The following TXNDC5 variants were observed in gnomAD, a reference collection of about 807,000 sequenced individuals.
TXNDC5 encodes thioredoxin domain containing 5.
In TXNDC5, 44 loss-of-function variants were observed where a neutral mutation model predicts 52.6. The ratio of observed to expected loss-of-function variants is 0.84; its 90% CI spans 0.66 to 1.08. TXNDC5 has a LOEUF of 1.08. Ranked by LOEUF, TXNDC5 falls within the 50% of genes least tolerant of loss-of-function variation. The pLI, the probability that TXNDC5 is intolerant of heterozygous loss-of-function variation, is 0.00. For missense variants in TXNDC5, 600 were observed against 565.5 expected (o/e 1.06, Z -0.62); for synonymous variants, 241 against 234.4 (o/e 1.03, Z -0.26).
At chr6:7,896,943 ATCT>A (rs1760389057) in intron 3 of TXNDC5, among the ~76,000 whole-genome samples, 1 of 152,116 alleles carries the variant, frequency 6.6e-6, no homozygotes, top group African/African-American at 2.4e-5. Flanking sequence ...CATAAAAATG[ATCT>A]TTTTTTTTAT....
chr6:7,882,909 T>G lies in TXNDC5; in HGVS notation c.*235A>C, dbSNP rs927779758. 1 of 469,098 alleles carries G rather than the reference T, an allele frequency of 2.1e-6. No individual in the cohort carries two copies. The highest frequency in any genetic ancestry group is 3.7e-6 in the Non-Finnish European group (1 of 269,736). The allele number at this position is 469,098 out of a possible 1,614,324, so 29.1% of individuals were successfully genotyped here. A position where few individuals can be genotyped will look rare whatever the true frequency, so the allele number is the denominator to read the frequency against. ...AAGGTCAAAGGGGATATATCGCCACTGAAAATGTTTACACAGTGACCATGA... is the reference window on the plus strand; with the variant it reads ...AAGGTCAAAGGGGATATATCGCCACGGAAAATGTTTACACAGTGACCATGA... On this transcript the variant is annotated 3_prime_UTR_variant, in exon 10 of 10. Coordinates refer to ENST00000379757, the MANE Select transcript of TXNDC5 (RefSeq NM_030810.5).
chr6:7,909,690 A>AG (rs925300851), intron 1 of TXNDC5: 9 of 816,458 alleles, frequency 1.1e-5, no homozygotes, highest in African/African-American at 3.7e-5. Flanking sequence ...CCTGAGCTGC[A>AG]GGGGGGCGGA....
At chr6:7,894,363 G>A (rs557020583) in intron 4 of TXNDC5, among the ~76,000 whole-genome samples, 2 of 151,794 alleles carry the variant, frequency 1.3e-5, no homozygotes, top group East Asian at 3.9e-4. Flanking sequence ...TTCTCCCCAA[G>A]TGCTGGGATG....
chr6:7,885,978 G>A lies in TXNDC5; in HGVS notation c.1029C>T (p.Ile343=), dbSNP rs778222716. The change falls in exon 8 of 10, where the codon ATC becomes ATT. Residue 343 remains isoleucine, a synonymous_variant. Coordinates refer to ENST00000379757, the MANE Select transcript of TXNDC5 (RefSeq NM_030810.5). The stretch of plus-strand genomic sequence containing the variant: ...CCACTTACCATGGAGCATAAAACTT[G>A]ATGAAGGTTATTCCTTCTGCAATGG... ...DDTIAEGITF[I]KFYAPWCGHC... is the part of the protein sequence containing the mutation. 5 of 1,614,012 alleles carry A rather than the reference G, an allele frequency of 3.1e-6. No individual in the cohort carries two copies. The highest frequency in any genetic ancestry group is 4.2e-6 in the Non-Finnish European group (5 of 1,180,022).
rs1760545061 is a variant in TXNDC5, at chr6:7,900,950, A to C, written c.414-1269T>G. Among the ~76,000 whole-genome samples the C allele has an allele frequency of 3.7e-5, 5 of 133,792 alleles. No individual in the cohort carries two copies. In the South Asian group the frequency reaches 1.2e-3, roughly 31 times the overall value. 87.8% of individuals were successfully genotyped at this position (133,792 alleles called of 152,430 possible). A position where few individuals can be genotyped will look rare whatever the true frequency, so the allele number is the denominator to read the frequency against. ...TGAATGCTGGGGTACACACACATTCAGTCCAAAAAAAAATGGCTAATTCTC... is the reference window on the plus strand; with the variant it reads ...TGAATGCTGGGGTACACACACATTCCGTCCAAAAAAAAATGGCTAATTCTC... On this transcript the variant is annotated intron_variant, in intron 2 of 9. Transcript: ENST00000379757.
At chr6:7,902,686 A>G (rs1233669682) in intron 2 of TXNDC5, among the ~76,000 whole-genome samples, 1 of 152,058 alleles carries the variant, frequency 6.6e-6, no homozygotes, top group African/African-American at 2.4e-5. Flanking sequence ...GAGCTTCTGC[A>G]GGGCAGTGAT....
In TXNDC5 at chr6:7,888,763, G is replaced by A. The variant is rs137937387; in HGVS notation, c.905C>T (p.Thr302Met). 5.1e-5 allele frequency: 82 copies of A among 1,613,940 alleles called. No homozygotes were observed. The highest frequency in any genetic ancestry group is 9.9e-5 in the South Asian group (9 of 91,072). The change falls in exon 7 of 10, where the codon ACG becomes ATG. Residue 302 changes from threonine (T) to methionine (M), a missense_variant. By Grantham distance (81) the Thr-to-Met change is moderately conservative (BLOSUM62 -1). Coordinates refer to ENST00000379757, the MANE Select transcript of TXNDC5 (RefSeq NM_030810.5). ...GGCCTCTGAGGGCGTGACGGTCTCC[G>A]TCGCTCCAGTCTCTGTGCGCTGCAG... ...SQLQRTETGA[T>M]ETVTPSEAPV... is the part of the protein sequence containing the mutation.
intron 5 of TXNDC5, 66 bp from the exon 6 acceptor site, chr6:7,889,647 C>T (rs1412217529): frequency 6.4e-6 from 8 of 1,241,242 alleles, no homozygotes; most frequent in Middle Eastern, 3.7e-4. Flanking sequence ...AATGGGGCTA[C>T]TGGACACTTT....
Position 7,910,639 on chromosome 6 carries a change from C to G in TXNDC5, c.138G>C (p.Ala46=). 1 of 1,115,122 alleles carries G rather than the reference C, an allele frequency of 9.0e-7. No homozygotes were observed. Among genetic ancestry groups the G allele is most frequent in the African/African-American group, 1.6e-5 (1 of 61,564 alleles). 69.1% of individuals were successfully genotyped at this position (1,115,122 alleles called of 1,614,324 possible). A position where few individuals can be genotyped will look rare whatever the true frequency, so the allele number is the denominator to read the frequency against. The change falls in exon 1 of 10, where the codon GCG becomes GCC. Residue 46 remains alanine (A), a synonymous_variant. Transcript: ENST00000379757. ...CGCCGTCTGCCGCGGGGGGCCCGTCCGCCGCCGCCGCCGCCGCCTCCTGGG... is the reference window on the plus strand; with the variant it reads ...CGCCGTCTGCCGCGGGGGGCCCGTCGGCCGCCGCCGCCGCCGCCTCCTGGG... The part of the protein sequence containing the change: ...ARAQEAAAAA[A]DGPPAADGED...
chr6:7,899,421 A>T (rs1031667901), intron 3 of TXNDC5, among the ~76,000 whole-genome samples, 155 bp downstream of exon 3: 1 of 152,122 alleles, frequency 6.6e-6, no homozygotes, highest in Admixed American at 6.5e-5. Context: ...TTTACCTGTA[A>T]TACCAATAAG....
At position 7,882,215 on chromosome 6, in the gene TXNDC5, G is replaced by C. The variant is rs1327296030; in HGVS notation, c.*929C>G. The C allele has an allele frequency of 6.6e-6, 1 of 152,652 alleles. No homozygotes were observed. The highest frequency in any genetic ancestry group is 1.5e-5 in the Non-Finnish European group (1 of 68,050). 9.5% of individuals were successfully genotyped at this position (152,652 alleles called of 1,614,324 possible). On this transcript the variant is annotated 3_prime_UTR_variant, in exon 10 of 10. Coordinates refer to ENST00000379757, the MANE Select transcript of TXNDC5 (RefSeq NM_030810.5). ...GAACTCTAGTTAGGGCCCTTCAGCA[G>C]GGCTGCAGAGCCTCCCTGGATACCC...
intron 2 of TXNDC5, among the ~76,000 whole-genome samples, chr6:7,901,837 C>T (rs1760578624): frequency 6.6e-6 from 1 of 152,194 alleles, no homozygotes; most frequent in Non-Finnish European, 1.5e-5. Flanking sequence ...AGTTCTACTA[C>T]CGTAGACAGT....
chr6:7,899,129 C>G (rs1306296171), intron 3 of TXNDC5, among the ~76,000 whole-genome samples: 2 of 152,148 alleles, frequency 1.3e-5, no homozygotes, highest in Admixed American at 1.3e-4. Context: ...CCAGCCCTGA[C>G]CCCAGGTGGT....
chr6:7,893,359 G>C (rs1041998393), intron 4 of TXNDC5, among the ~76,000 whole-genome samples: 34 of 152,262 alleles, frequency 2.2e-4, no homozygotes, highest in African/African-American at 8.0e-4. Flanking sequence ...ATTAAAAAAT[G>C]TGCAAAGCTG....
rs774141492 is a variant in TXNDC5, at chr6:7,888,827, G to A, written c.841C>T (p.Arg281Trp). 16 of 1,613,384 alleles carry A rather than the reference G, an allele frequency of 9.9e-6. No individual in the cohort carries two copies. The highest frequency in any genetic ancestry group is 5.3e-5 in the African/African-American group (4 of 74,920). The change falls in exon 7 of 10, where the codon CGG becomes TGG. Residue 281 changes from arginine (R) to tryptophan (W), a missense_variant. Physicochemically the swap from Arg to Trp is moderately radical, Grantham distance 101 (BLOSUM62 -3). Transcript: ENST00000379757. The stretch of plus-strand genomic sequence containing the variant: ...TACTCCCTCAGTGACTCCAAATCCC[G>A]CTTTCCCTTGTACTGATCCACCTGG... Reference protein sequence around the residue: ...GKKVDQYKGKRDLESLREYVE... With the variant: ...GKKVDQYKGKWDLESLREYVE...
Position 7,883,098 on chromosome 6 carries a change from G to A in TXNDC5, c.*46C>T, listed in dbSNP as rs372103288. On this transcript the variant is annotated 3_prime_UTR_variant, in exon 10 of 10. Coordinates refer to ENST00000379757, the MANE Select transcript of TXNDC5 (RefSeq NM_030810.5). ...CCTCTGTGGGACTGAACTCCTAAAC[G>A]CAGGGTGCGGGAGCTGGGCAGGAGA... 2.5e-4 allele frequency: 402 copies of A among 1,612,108 alleles called. No individual in the cohort carries two copies. The highest frequency in any genetic ancestry group is 2.8e-4 in the Non-Finnish European group (335 of 1,179,010).
intron 7 of TXNDC5, 127 bp from the exon 8 acceptor site, chr6:7,886,170 A>C: frequency 1.4e-6 from 1 of 733,986 alleles, no homozygotes; most frequent in Admixed American, 2.5e-5. Flanking sequence ...CCAAGGTCAC[A>C]CAGAAATACC....
chr6:7,888,640 TG>T, intron 7 of TXNDC5, 64 bp downstream of exon 7: 1 of 1,426,696 alleles, frequency 7.0e-7, no homozygotes, highest in Admixed American at 2.3e-5. Context: ...CCTCTGAGGG[TG>T]GGGAGGTGGG....
intron 8 of TXNDC5, among the ~76,000 whole-genome samples, chr6:7,885,264 C>T (rs1357974133): frequency 1.3e-5 from 2 of 152,192 alleles, no homozygotes; most frequent in African/African-American, 4.8e-5. Flanking sequence ...TACTGTTGTC[C>T]TAACACTCTG....
Sources: allele counts gnomAD v4.1 joint callset (sites outside exome capture counted in the v4.1 genomes callset), GRCh38; gene constraint gnomAD v4.1.1; transcripts MANE v1.5; gene names NCBI Gene and HGNC (gene_info 2026-07-23, HGNC 2026-07-21).